Variants in VAV3 observed in about 807,000 individuals in gnomAD.
VAV3 encodes the protein vav guanine nucleotide exchange factor 3.
In VAV3, 94 loss-of-function variants were observed where a neutral mutation model predicts 131.2. The observed-to-expected ratio is 0.72, with a 90% CI of 0.61 to 0.85. The LOEUF (loss-of-function observed/expected upper bound fraction) is 0.85, where lower values mean the gene tolerates loss of function less well. Ranked by LOEUF, VAV3 falls within the 40% of genes least tolerant of loss-of-function variation. The probability of loss-of-function intolerance (pLI) is 0.00; values close to 1 mark genes in which losing one functional copy is unlikely to be tolerated. For synonymous variants in VAV3, 349 were observed against 342.0 expected (o/e 1.02, Z -0.22); for missense variants, 939 against 1,002.7 (o/e 0.94, Z 0.86).
chr1:107,678,714 G>C (rs1006254746), intron 19 of VAV3, among the ~76,000 whole-genome samples: 4 of 151,862 alleles, frequency 2.6e-5, no homozygotes, highest in Non-Finnish European at 5.9e-5. Flanking sequence ...CAATAAACCA[G>C]TATAAAAATT....
At position 107,747,840 on chromosome 1, in the gene VAV3, G is replaced by A. The variant is rs531013068; in HGVS notation, c.1502+1128C>T. Among the ~76,000 whole-genome samples the A allele has an allele frequency of 3.9e-5, 6 of 152,162 alleles. No individual in the cohort carries two copies. The East Asian group carries it at 1.2e-3, about 29-fold the overall frequency. ...ATATAATCCTGTCTTCAAAATATTA[G>A]ATAAAATAATCCTGAGAATCTTTAT... is the stretch of plus-strand genomic sequence containing the variant. On this transcript the variant is annotated intron_variant, in intron 15 of 26. Coordinates refer to ENST00000370056, the MANE Select transcript of VAV3 (RefSeq NM_006113.5).
chr1:107,575,063 T>TCTG, intron 25 of VAV3, among the ~76,000 whole-genome samples: 1 of 151,662 alleles, frequency 6.6e-6, no homozygotes, highest in East Asian at 1.9e-4. Context: ...GAGCTAACTT[T>TCTG]CTCCCTGGCC....
At chr1:107,707,442 C>T (rs1660519688) in intron 15 of VAV3, among the ~76,000 whole-genome samples, 1 of 152,196 alleles carries the variant, frequency 6.6e-6, no homozygotes, top group Admixed American at 6.5e-5. Context: ...GTGCTTAGAA[C>T]ACTGCCTGAC....
intron 2 of VAV3, among the ~76,000 whole-genome samples, chr1:107,788,636 T>C (rs767463424): frequency 1.3e-5 from 2 of 152,142 alleles, no homozygotes; most frequent in African/African-American, 2.4e-5. Flanking sequence ...AATAGCAAAG[T>C]AGATAAAACC....
intron 19 of VAV3, among the ~76,000 whole-genome samples, chr1:107,649,926 G>C (rs1656030079): frequency 6.6e-6 from 1 of 152,002 alleles, no homozygotes; most frequent in Non-Finnish European, 1.5e-5. Flanking sequence ...AATAATACCA[G>C]ATAAAAGTAT....
chr1:107,621,972 A>G (rs557065400), intron 20 of VAV3, among the ~76,000 whole-genome samples: 60 of 152,294 alleles, frequency 3.9e-4, no homozygotes, highest in Non-Finnish European at 7.1e-4. Flanking sequence ...ACATGAGAAA[A>G]TATCTTATGG....
chr1:107,626,019 G>GA (rs200365018), intron 20 of VAV3, among the ~76,000 whole-genome samples: 66 of 150,536 alleles, frequency 4.4e-4, no homozygotes, highest in Middle Eastern at 3.4e-3. Flanking sequence ...TACCCTGCAG[G>GA]AAAAAAAAAG....
intron 11 of VAV3, 124 bp downstream of exon 11, chr1:107,757,135 GTA>G (rs1204254216): frequency 5.1e-6 from 3 of 588,806 alleles, no homozygotes; most frequent in East Asian, 3.0e-5. Flanking sequence ...ATATGTTTGT[GTA>G]TATATATGTG....
chr1:107,604,090 C>A (rs1652082152), intron 22 of VAV3, among the ~76,000 whole-genome samples: 1 of 146,198 alleles, frequency 6.8e-6, no homozygotes, highest in African/African-American at 2.5e-5. Flanking sequence ...TCAAATCATA[C>A]ATAGGTGTAA....
intron 1 of VAV3, among the ~76,000 whole-genome samples, chr1:107,891,310 T>C (rs1350444592): frequency 2.6e-5 from 4 of 152,192 alleles, no homozygotes; most frequent in East Asian, 1.9e-4. Context: ...AGATGTTATA[T>C]CATTTTAATC....
At chr1:107,955,277 T>TAAC (rs59426924) in intron 1 of VAV3, among the ~76,000 whole-genome samples, 17,641 of 151,956 alleles carry the variant, frequency 0.12, 1,952 homozygotes, top group African/African-American at 0.29. Flanking sequence ...TAATGGCACT[T>TAAC]AAGTATTTTT....
At chr1:107,696,251 A>G (rs182496558) in intron 17 of VAV3, among the ~76,000 whole-genome samples, 6 of 152,362 alleles carry the variant, frequency 3.9e-5, no homozygotes, top group Admixed American at 3.9e-4. Context: ...CCAAATCAAG[A>G]TAATTAGCAT....
chr1:107,725,286 T>C (rs907734473), intron 15 of VAV3, among the ~76,000 whole-genome samples: 4 of 152,178 alleles, frequency 2.6e-5, no homozygotes, highest in African/African-American at 9.7e-5. Context: ...ATGATTGTTC[T>C]GTGTGACTGG....
intron 2 of VAV3, among the ~76,000 whole-genome samples, chr1:107,815,620 C>A (rs1226732789): frequency 6.6e-6 from 1 of 152,138 alleles, no homozygotes; most frequent in Non-Finnish European, 1.5e-5. Flanking sequence ...GATAGAGATG[C>A]TAATGAGAAT....
chr1:107,872,202 T>C (rs1021555079), intron 2 of VAV3, among the ~76,000 whole-genome samples: 1 of 151,998 alleles, frequency 6.6e-6, no homozygotes, highest in African/African-American at 2.4e-5. Flanking sequence ...TCCAAGCACC[T>C]CCCCATGTCT....
At chr1:107,955,451 T>C (rs1398446022) in intron 1 of VAV3, among the ~76,000 whole-genome samples, 3 of 152,038 alleles carry the variant, frequency 2.0e-5, no homozygotes, top group Non-Finnish European at 4.4e-5. Flanking sequence ...TAGTGCCATA[T>C]ATAAAGGAAC....
At chr1:107,723,792 T>C (rs1047242291) in intron 15 of VAV3, among the ~76,000 whole-genome samples, 1 of 152,156 alleles carries the variant, frequency 6.6e-6, no homozygotes, top group Non-Finnish European at 1.5e-5. Flanking sequence ...ACCGTTGTTT[T>C]TCCTCTGTTG....
chr1:107,894,673 G>A (rs924191840), intron 1 of VAV3, among the ~76,000 whole-genome samples: 3 of 152,010 alleles, frequency 2.0e-5, no homozygotes, highest in Admixed American at 6.6e-5. Flanking sequence ...TTTTAAAAAC[G>A]GCAGATATAA....
At chr1:107,908,826 C>A (rs1387062335) in intron 1 of VAV3, among the ~76,000 whole-genome samples, 1 of 11,608 alleles carries the variant, frequency 8.6e-5, no homozygotes, top group African/African-American at 1.0e-3. Context: ...CTCAAACACA[C>A]ACACACACAC....
Sources: allele counts gnomAD v4.1 joint callset (sites outside exome capture counted in the v4.1 genomes callset), GRCh38; gene constraint gnomAD v4.1.1; transcripts MANE v1.5; gene names NCBI Gene and HGNC (gene_info 2026-07-23, HGNC 2026-07-21).